The following PREX1 variants were observed in gnomAD, a reference collection of about 807,000 sequenced individuals.
The protein encoded by PREX1 is phosphatidylinositol-3,4,5-trisphosphate dependent Rac exchange factor 1.
In PREX1, 41 loss-of-function variants were observed where a neutral mutation model predicts 198.3. That is an observed-to-expected ratio of 0.21 (90% CI 0.16 to 0.27). The LOEUF (loss-of-function observed/expected upper bound fraction) is 0.27, where lower values mean the gene tolerates loss of function less well. PREX1 is among the 10% of genes least tolerant of loss of function. The pLI is 1.00. For missense variants in PREX1, 1,620 were observed against 2,200.7 expected, an observed-to-expected ratio of 0.74 and a Z score of 5.28; for synonymous variants, 843 against 887.2, an observed-to-expected ratio of 0.95 and a Z score of 0.89.
chr20:48,830,455 C>T (rs897630358), upstream of PREX1, among the ~76,000 whole-genome samples: 1 of 152,260 alleles, frequency 6.6e-6, no homozygotes, highest in Non-Finnish European at 1.5e-5. Flanking sequence ...AAGTACCTGA[C>T]ACACATAGCT....
the PREX1 span, among the ~76,000 whole-genome samples, chr20:48,869,628 AG>A: frequency 6.6e-6 from 1 of 152,256 alleles, no homozygotes; most frequent in Non-Finnish European, 1.5e-5. Context: ...GATAAAGAAA[AG>A]GTGGTACATA....
intron 1 of PREX1, among the ~76,000 whole-genome samples, chr20:48,758,303 G>C (rs1238642038): frequency 6.6e-6 from 1 of 152,152 alleles, no homozygotes; most frequent in Non-Finnish European, 1.5e-5. Context: ...GGTGATCCTG[G>C]CACTCCCCAT....
intron 33 of PREX1, among the ~76,000 whole-genome samples, 200 bp downstream of exon 33, chr20:48,634,476 A>G (rs1489068032): frequency 1.3e-5 from 2 of 152,234 alleles, no homozygotes; most frequent in Non-Finnish European, 2.9e-5. Context: ...ATACAAAAAG[A>G]AACCCCTCTT....
chr20:48,757,657 C>T (rs933395747), intron 1 of PREX1, among the ~76,000 whole-genome samples: 1 of 152,070 alleles, frequency 6.6e-6, no homozygotes, highest in Non-Finnish European at 1.5e-5. Flanking sequence ...TGGGAGCCCC[C>T]GGCCCCCAGG....
chr20:48,756,010 C>G (rs1262798375), intron 1 of PREX1, among the ~76,000 whole-genome samples: 4 of 152,222 alleles, frequency 2.6e-5, no homozygotes, highest in Admixed American at 6.5e-5. Context: ...TGGCTTCTGT[C>G]TTCTCCTCCT....
chr20:48,756,042 A>G (rs2090154727), intron 1 of PREX1, among the ~76,000 whole-genome samples: 2 of 152,152 alleles, frequency 1.3e-5, no homozygotes, highest in Admixed American at 1.3e-4. Context: ...ATCCCTGTGC[A>G]GGGAAGGCAG....
chr20:48,888,018 G>A, the PREX1 span, among the ~76,000 whole-genome samples: 1 of 152,096 alleles, frequency 6.6e-6, no homozygotes. Context: ...AGCACTGTGG[G>A]TCACACCTGT....
intron 1 of PREX1, among the ~76,000 whole-genome samples, chr20:48,768,564 G>A (rs2090219632): frequency 1.3e-5 from 2 of 152,172 alleles, no homozygotes; most frequent in Non-Finnish European, 2.9e-5. Flanking sequence ...GGAGGCAGAG[G>A]CGGCCGATCA....
intron 27 of PREX1, 190 bp from the exon 28 acceptor site, chr20:48,642,679 C>T (rs937415484): frequency 1.2e-4 from 69 of 553,182 alleles, no homozygotes; most frequent in African/African-American, 9.4e-5. Context: ...GTTTCTTCAT[C>T]TGCAAAATGG....
intron 11 of PREX1, among the ~76,000 whole-genome samples, chr20:48,680,240 T>C (rs1034286907): frequency 6.6e-6 from 1 of 152,022 alleles, no homozygotes; most frequent in Non-Finnish European, 1.5e-5. Flanking sequence ...GCCCTAACCT[T>C]CAAGATACCA....
chr20:48,658,233 G>C lies in PREX1; in HGVS notation c.1882-5C>G. On this transcript the variant is annotated splice_polypyrimidine_tract_variant and splice_region_variant and intron_variant, in intron 16 of 39. Transcript: ENST00000371941. ...GTCCTCCTCCTGGGGCAGGATCTGG[G>C]GGCCCAGGGCAGAAGGAACCCGGTC... 1 of 1,613,824 alleles carries C rather than the reference G, an allele frequency of 6.2e-7. No individual in the cohort carries two copies. The highest frequency in any genetic ancestry group is 8.5e-7 in the Non-Finnish European group (1 of 1,179,822).
chr20:48,625,964 G>T, intron 39 of PREX1, 37 bp from the exon 40 acceptor site: 1 of 1,511,936 alleles, frequency 6.6e-7, no homozygotes, highest in Non-Finnish European at 8.8e-7. Context: ...GAGAGGCCGG[G>T]GCGGGCCAGG....
At chr20:48,697,293 C>T (rs1448044784) in intron 7 of PREX1, among the ~76,000 whole-genome samples, 1 of 152,086 alleles carries the variant, frequency 6.6e-6, no homozygotes, top group Non-Finnish European at 1.5e-5. Context: ...CCCCATATAA[C>T]AGGTAGGAAA....
At chr20:48,858,050 G>T in the PREX1 span, among the ~76,000 whole-genome samples, 1 of 152,226 alleles carries the variant, frequency 6.6e-6, no homozygotes, top group Non-Finnish European at 1.5e-5. Flanking sequence ...CAGCGGCAGG[G>T]GCCATGTCTC....
intron 1 of PREX1, among the ~76,000 whole-genome samples, chr20:48,798,646 T>C (rs1003410283): frequency 2.0e-5 from 3 of 152,204 alleles, no homozygotes; most frequent in Non-Finnish European, 2.9e-5. Context: ...GCTGGGGGCC[T>C]TGTCAAAAGC....
chr20:48,843,301 C>G, the PREX1 span, among the ~76,000 whole-genome samples: 2 of 152,276 alleles, frequency 1.3e-5, no homozygotes, highest in South Asian at 4.1e-4. Flanking sequence ...AAGAGTGTAA[C>G]TCAGAAGGCT....
chr20:48,849,118 G>A, the PREX1 span, among the ~76,000 whole-genome samples: 1 of 151,466 alleles, frequency 6.6e-6, no homozygotes, highest in Non-Finnish European at 1.5e-5. Context: ...AGGAATGTTT[G>A]TGCATTGCTA....
At chr20:48,683,211 T>C (rs1305567884) in intron 10 of PREX1, among the ~76,000 whole-genome samples, 1 of 152,184 alleles carries the variant, frequency 6.6e-6, no homozygotes, top group African/African-American at 2.4e-5. Flanking sequence ...AGCTGTCTAA[T>C]TGGGGGCCGC....
At chr20:48,712,701 G>C (rs950007334) in intron 5 of PREX1, among the ~76,000 whole-genome samples, 1 of 152,184 alleles carries the variant, frequency 6.6e-6, no homozygotes, top group African/African-American at 2.4e-5. Flanking sequence ...AAACCGCAGG[G>C]GAAGTGTTAG....
Sources: allele counts gnomAD v4.1 joint callset (sites outside exome capture counted in the v4.1 genomes callset), GRCh38; gene constraint gnomAD v4.1.1; transcripts MANE v1.5; gene names NCBI Gene and HGNC (gene_info 2026-07-23, HGNC 2026-07-21).